Variants in TGFB2 observed in about 807,000 individuals in gnomAD.
TGFB2 encodes the protein transforming growth factor beta-2 proprotein.
TGFB2 carries 13 observed loss-of-function variants against 42.7 expected under a neutral mutation model. That is an observed-to-expected ratio of 0.30 (90% CI 0.20 to 0.48). The LOEUF (loss-of-function observed/expected upper bound fraction) is 0.48, where lower values mean the gene tolerates loss of function less well. TGFB2 is among the 20% of genes least tolerant of loss of function. The pLI is 0.99. For synonymous variants in TGFB2, 193 were observed against 193.6 expected, an observed-to-expected ratio of 1.00 and a Z score of 0.03; for missense variants, 390 against 517.5, an observed-to-expected ratio of 0.75 and a Z score of 2.39.
chr1:218,358,426 T>G (rs2796825), intron 1 of TGFB2, among the ~76,000 whole-genome samples: 1 of 152,178 alleles, frequency 6.6e-6, no homozygotes, highest in Admixed American at 6.5e-5. Context: ...TTGATTTTTT[T>G]AAAATATGAT....
At chr1:218,380,671 C>G (rs1657930382) in intron 1 of TGFB2, among the ~76,000 whole-genome samples, 2 of 151,994 alleles carry the variant, frequency 1.3e-5, no homozygotes, top group African/African-American at 4.8e-5. Context: ...TAATATTTAC[C>G]AGATTTTTGC....
chr1:218,423,477 G>T (rs182073518), intron 2 of TGFB2, among the ~76,000 whole-genome samples: 1 of 152,196 alleles, frequency 6.6e-6, no homozygotes. Context: ...TGAAAAACTG[G>T]GCTTCAAGTT....
chr1:218,383,829 A>C (rs1658042080), intron 1 of TGFB2, among the ~76,000 whole-genome samples: 1 of 152,234 alleles, frequency 6.6e-6, no homozygotes, highest in Non-Finnish European at 1.5e-5. Context: ...TAGACTAAGA[A>C]ATATTGGCTT....
At chr1:218,403,259 G>T (rs932623535) in intron 1 of TGFB2, among the ~76,000 whole-genome samples, 1 of 152,076 alleles carries the variant, frequency 6.6e-6, no homozygotes, top group Non-Finnish European at 1.5e-5. Context: ...GGGTTATAAA[G>T]CCTCAATTCA....
At chr1:218,429,049 C>G in intron 2 of TGFB2, among the ~76,000 whole-genome samples, 1 of 142,486 alleles carries the variant, frequency 7.0e-6, no homozygotes, top group East Asian at 2.3e-4. Context: ...GGCACGATCT[C>G]AGCTCACTGC....
intron 2 of TGFB2, among the ~76,000 whole-genome samples, chr1:218,425,356 AGCCACCACGCCC>A (rs1434917579): frequency 6.6e-6 from 1 of 151,854 alleles, no homozygotes; most frequent in Non-Finnish European, 1.5e-5. Flanking sequence ...TACAGGTGCC[AGCCACCACGCCC>A]GGCTAATTTT....
Position 218,441,427 on chromosome 1 carries a change from C to A in TGFB2, c.*65C>A. 2.0e-6 allele frequency: 3 copies of A among 1,501,310 alleles called. No individual in the cohort carries two copies. The highest frequency in any genetic ancestry group is 2.7e-6 in the Non-Finnish European group (3 of 1,120,818). The allele number at this position is 1,501,310 out of a possible 1,614,324, so 93.0% of individuals were successfully genotyped here. A position where few individuals can be genotyped will look rare whatever the true frequency, so the allele number is the denominator to read the frequency against. On this transcript the variant is annotated 3_prime_UTR_variant, in exon 7 of 7. Transcript: ENST00000366930. Reference sequence around the variant, plus strand: ...ATGATAATGATGATGACGACGACAACGATGATGCTTGTAACAAGAAAACAT... The same window carrying A: ...ATGATAATGATGATGACGACGACAAAGATGATGCTTGTAACAAGAAAACAT...
chr1:218,379,430 G>A (rs115601903), intron 1 of TGFB2, among the ~76,000 whole-genome samples: 4,569 of 151,028 alleles, frequency 0.03, 114 homozygotes, highest in South Asian at 0.091. Flanking sequence ...CACCGTGCCC[G>A]GCCAGTACCT....
chr1:218,390,593 A>G (rs1658288291), intron 1 of TGFB2, among the ~76,000 whole-genome samples: 1 of 152,164 alleles, frequency 6.6e-6, no homozygotes. Context: ...GAATTAAAAT[A>G]ACACATACTT....
At chr1:218,415,699 GAAAAAAAAAAA>G (rs1174137652) in intron 2 of TGFB2, among the ~76,000 whole-genome samples, 2 of 61,678 alleles carry the variant, frequency 3.2e-5, no homozygotes, top group Admixed American at 1.8e-4. Context: ...TGTCTCAAAA[GAAAAAAAAAAA>G]AAAAAAAAAA....
chr1:218,389,069 C>T (rs1037207162), intron 1 of TGFB2, among the ~76,000 whole-genome samples: 4 of 152,026 alleles, frequency 2.6e-5, no homozygotes, highest in African/African-American at 4.8e-5. Context: ...TCACTTACAT[C>T]GAATCATTTG....
At chr1:218,347,129 C>A in intron 1 of TGFB2, 82 bp downstream of exon 1, 1 of 1,326,866 alleles carries the variant, frequency 7.5e-7, no homozygotes, top group Non-Finnish European at 1.0e-6. Context: ...CCGGGATCGC[C>A]CTTCCCTCTC....
intron 1 of TGFB2, among the ~76,000 whole-genome samples, chr1:218,359,756 A>C (rs1324200304): frequency 2.0e-5 from 3 of 152,192 alleles, no homozygotes; most frequent in Non-Finnish European, 4.4e-5. Flanking sequence ...CACAAGAGAG[A>C]TGCATTGTTT....
At chr1:218,371,224 CCGGGAGTTGGAAGGTG>C (rs1174697090) in intron 1 of TGFB2, among the ~76,000 whole-genome samples, 5 of 152,114 alleles carry the variant, frequency 3.3e-5, no homozygotes, top group Admixed American at 3.3e-4. Flanking sequence ...TCACTTGATC[CCGGGAGTTGGAAGGTG>C]CAGTGAGCCG....
At chr1:218,367,071 T>C (rs2102549826) in intron 1 of TGFB2, among the ~76,000 whole-genome samples, 1 of 152,294 alleles carries the variant, frequency 6.6e-6, no homozygotes, top group East Asian at 1.9e-4. Context: ...GGAAGTAAAT[T>C]AATCGTGTGT....
chr1:218,385,037 A>G (rs1045717868), intron 1 of TGFB2, among the ~76,000 whole-genome samples: 1 of 152,046 alleles, frequency 6.6e-6, no homozygotes, highest in Non-Finnish European at 1.5e-5. Flanking sequence ...AACCCTTCCC[A>G]TGTTTGGGAT....
chr1:218,382,080 G>A (rs1657980634), intron 1 of TGFB2, among the ~76,000 whole-genome samples: 1 of 151,882 alleles, frequency 6.6e-6, no homozygotes, highest in South Asian at 2.1e-4. Flanking sequence ...CCAGATGGAG[G>A]CCACCATTAA....
Position 218,346,023 on chromosome 1 carries a change from G to A in TGFB2, c.-679G>A, listed in dbSNP as rs886045964. Among the ~76,000 whole-genome samples, 5 of 151,202 alleles carry A rather than the reference G, an allele frequency of 3.3e-5. No individual in the cohort carries two copies. The highest frequency in any genetic ancestry group is 4.9e-5 in the African/African-American group (2 of 41,010). On this transcript the variant is annotated 5_prime_UTR_variant, in exon 1 of 7. Transcript: ENST00000366930. The surrounding 1 kb of genome is among the most constrained non-coding windows in gnomAD (Gnocchi z 4.9). ...CTGCGAAGCGCACCCTCCTCCCCGC[G>A]GTGCGCTGGGCTCGCCCCCAGCGCG...
At chr1:218,351,433 T>C (rs898534426) in intron 1 of TGFB2, among the ~76,000 whole-genome samples, 1 of 152,226 alleles carries the variant, frequency 6.6e-6, no homozygotes, top group Non-Finnish European at 1.5e-5. Flanking sequence ...CCTTTTTTAT[T>C]GCATCGTTGC....
Sources: allele counts gnomAD v4.1 joint callset (sites outside exome capture counted in the v4.1 genomes callset), GRCh38; gene constraint gnomAD v4.1.1; non-coding constraint Gnocchi (gnomAD v3.1); transcripts MANE v1.5; gene names NCBI Gene and HGNC (gene_info 2026-07-23, HGNC 2026-07-21).